PPP2R5C: variants seen among roughly 807,000 people sequenced by gnomAD.
The protein encoded by PPP2R5C is serine/threonine-protein phosphatase 2A 56 kDa regulatory subunit gamma isoform.
PPP2R5C carries 7 observed loss-of-function variants against 68.9 expected under a neutral mutation model. The ratio of observed to expected loss-of-function variants is 0.10; its 90% CI spans 0.06 to 0.19. The LOEUF is 0.19. Ranked by LOEUF, PPP2R5C falls within the 10% of genes least tolerant of loss-of-function variation. The pLI, the probability that PPP2R5C is intolerant of heterozygous loss-of-function variation, is 1.00. For missense variants in PPP2R5C, 348 were observed against 641.3 expected, an observed-to-expected ratio of 0.54 and a Z score of 4.94; for synonymous variants, 210 against 222.2, an observed-to-expected ratio of 0.95 and a Z score of 0.49.
At chr14:101,853,734 C>T (rs573304104) in intron 1 of PPP2R5C, among the ~76,000 whole-genome samples, 167 of 152,270 alleles carry the variant, frequency 1.1e-3, no homozygotes, top group Non-Finnish European at 1.7e-3. Context: ...TGTTGGCTCT[C>T]GTACCTGTGT....
intron 1 of PPP2R5C, among the ~76,000 whole-genome samples, chr14:101,854,857 A>G (rs1172424352): frequency 6.6e-6 from 1 of 152,228 alleles, no homozygotes; most frequent in African/African-American, 2.4e-5. Flanking sequence ...TTTAACAGAA[A>G]TAACACATTT....
chr14:101,833,546 T>C (rs1471684719), intron 1 of PPP2R5C: 1 of 152,296 alleles, frequency 6.6e-6, no homozygotes, highest in Non-Finnish European at 1.5e-5. Flanking sequence ...CCTTCATTTT[T>C]TGCTCTCATT....
At chr14:101,890,023 C>T (rs897073577) in intron 5 of PPP2R5C, 31 of 660,698 alleles carry the variant, frequency 4.7e-5, no homozygotes, top group Non-Finnish European at 7.2e-5. Flanking sequence ...GAAAAAAATT[C>T]GTGCAAGACC....
intron 13 of PPP2R5C, among the ~76,000 whole-genome samples, chr14:101,923,490 C>T (rs2141214626): frequency 6.6e-6 from 1 of 152,274 alleles, no homozygotes; most frequent in East Asian, 1.9e-4. Context: ...AATTTCACCT[C>T]TGGGTTGAAG....
chr14:101,770,853 C>T (rs564438284), intron 2 of PPP2R5C, among the ~76,000 whole-genome samples: 14 of 152,354 alleles, frequency 9.2e-5, no homozygotes, highest in African/African-American at 3.4e-4. Context: ...GTGAGTCAGT[C>T]TGCCACCAAC....
chr14:101,849,792 C>G (rs991867450), intron 1 of PPP2R5C, among the ~76,000 whole-genome samples: 1 of 145,910 alleles, frequency 6.9e-6, no homozygotes, highest in African/African-American at 2.6e-5. Context: ...CCGACTTTTC[C>G]TCACTCCTCT....
At chr14:101,907,831 C>A (rs2141078981) in intron 10 of PPP2R5C, among the ~76,000 whole-genome samples, 1 of 152,350 alleles carries the variant, frequency 6.6e-6, no homozygotes, top group East Asian at 1.9e-4. Flanking sequence ...CCGCTCGAGG[C>A]TGCAGGTGGC....
intron 1 of PPP2R5C, among the ~76,000 whole-genome samples, chr14:101,842,965 C>T (rs2041590428): frequency 6.6e-6 from 1 of 151,960 alleles, no homozygotes; most frequent in Non-Finnish European, 1.5e-5. Context: ...GTGGCTCACA[C>T]CTGTAATCCC....
chr14:101,782,791 C>T (rs1322154091), intron 2 of PPP2R5C, among the ~76,000 whole-genome samples: 1 of 7,498 alleles, frequency 1.3e-4, no homozygotes, highest in Non-Finnish European at 3.1e-4. Flanking sequence ...TCCCCTTCCC[C>T]CTGCCTCTCT....
chr14:101,867,693 G>T (rs1478939379), intron 2 of PPP2R5C, among the ~76,000 whole-genome samples: 1 of 152,088 alleles, frequency 6.6e-6, no homozygotes, highest in Non-Finnish European at 1.5e-5. Flanking sequence ...CAGAAGGATT[G>T]CTGGAACCCT....
At chr14:101,922,584 C>T (rs1040978085) in intron 13 of PPP2R5C, among the ~76,000 whole-genome samples, 1 of 151,348 alleles carries the variant, frequency 6.6e-6, no homozygotes, top group African/African-American at 2.4e-5. Flanking sequence ...GAGGCTGAGG[C>T]AGGAGAATTG....
chr14:101,786,327 A>G (rs1248509048), intron 3 of PPP2R5C, 144 bp downstream of exon 3: 1 of 606,152 alleles, frequency 1.6e-6, no homozygotes, highest in Admixed American at 4.0e-5. Flanking sequence ...TTTTTTTTTT[A>G]GGTTGAATGT....
Position 101,836,404 on chromosome 14 carries a change from A to G in PPP2R5C, c.95-20282A>G, listed in dbSNP as rs868021605. ...TCCCGACCTGCCAACCTTAGCCTAAAATCAGAGCTGCTAGAATCACACACA... is the reference window on the plus strand; with the variant it reads ...TCCCGACCTGCCAACCTTAGCCTAAGATCAGAGCTGCTAGAATCACACACA... On this transcript the variant is annotated intron_variant, in intron 1 of 13. Transcript: ENST00000334743. 5 of 701,692 alleles carry G rather than the reference A, an allele frequency of 7.1e-6. No individual in the cohort carries two copies. The Middle Eastern group carries it at 7.7e-4, about 109-fold the overall frequency. 43.5% of individuals were successfully genotyped at this position (701,692 alleles called of 1,614,324 possible).
chr14:101,800,775 T>G (rs35301069), intron 3 of PPP2R5C, among the ~76,000 whole-genome samples: 5,903 of 152,230 alleles, frequency 0.039, 209 homozygotes, highest in East Asian at 0.15. Context: ...CACTGCCATG[T>G]TTGTTGCAGC....
chr14:101,800,937 G>C (rs971174260), intron 3 of PPP2R5C, among the ~76,000 whole-genome samples: 5 of 152,212 alleles, frequency 3.3e-5, no homozygotes, highest in African/African-American at 1.2e-4. Context: ...GATGGAACCA[G>C]AGGTGATTGT....
chr14:101,763,310 G>A (rs918674686), intron 2 of PPP2R5C, among the ~76,000 whole-genome samples: 2 of 150,210 alleles, frequency 1.3e-5, no homozygotes, highest in Non-Finnish European at 3.0e-5. Context: ...ACCCCTTGCC[G>A]CCCAGGCTCA....
chr14:101,900,456 T>C lies in PPP2R5C; in HGVS notation c.853-1263T>C, dbSNP rs148100214. Among the ~76,000 whole-genome samples, 382 of 151,978 alleles carry C rather than the reference T, an allele frequency of 2.5e-3. 4 individuals carry two copies. Among genetic ancestry groups the C allele is most frequent in the African/African-American group, 8.2e-3 (341 of 41,454 alleles). ...TTGTGGCAATTGCACAGCACAAGAG[T>C]CGGGTAGAAGCCCCGCGGTGTTGCT... is the stretch of plus-strand genomic sequence containing the variant. On this transcript the variant is annotated intron_variant, in intron 8 of 13. Transcript: ENST00000334743.
At chr14:101,887,669 C>A (rs1008284452) in intron 5 of PPP2R5C, among the ~76,000 whole-genome samples, 1 of 152,190 alleles carries the variant, frequency 6.6e-6, no homozygotes, top group Non-Finnish European at 1.5e-5. Context: ...CCCCAGTCCT[C>A]CTAAGAGTTT....
At chr14:101,821,448 GGTGGGTGTGTGT>G (rs982818667) in intron 1 of PPP2R5C, among the ~76,000 whole-genome samples, 6 of 58,882 alleles carry the variant, frequency 1.0e-4, no homozygotes, top group South Asian at 1.3e-3. Context: ...GGGGTGGGTG[GGTGGGTGTGTGT>G]GTGTGTGTGT....
Sources: allele counts gnomAD v4.1 joint callset (sites outside exome capture counted in the v4.1 genomes callset), GRCh38; gene constraint gnomAD v4.1.1; transcripts MANE v1.5; gene names NCBI Gene and HGNC (gene_info 2026-07-23, HGNC 2026-07-21).